MYT1L: variants seen among roughly 807,000 people sequenced by gnomAD.
MYT1L encodes the protein myelin transcription factor 1-like protein.
Under a neutral mutation model 126.7 loss-of-function variants are expected in MYT1L, and 12 were observed. The observed-to-expected ratio is 0.09, with a 90% CI of 0.06 to 0.15. MYT1L has a LOEUF of 0.15. MYT1L is among the 10% of genes least tolerant of loss of function. The probability of loss-of-function intolerance (pLI) is 1.00; values close to 1 mark genes in which losing one functional copy is unlikely to be tolerated. For missense variants in MYT1L, 979 were observed against 1,585.2 expected, an observed-to-expected ratio of 0.62 and a Z score of 6.49; for synonymous variants, 541 against 604.2, an observed-to-expected ratio of 0.90 and a Z score of 1.53.
intron 3 of MYT1L, among the ~76,000 whole-genome samples, chr2:2,071,805 T>C (rs1474536706): frequency 1.8e-4 from 28 of 151,996 alleles, no homozygotes; most frequent in Non-Finnish European, 8.8e-5. Flanking sequence ...GCAAACTAAT[T>C]AGGAGGCTAC....
chr2:2,113,696 C>CA (rs755304288), intron 3 of MYT1L, among the ~76,000 whole-genome samples: 21 of 152,138 alleles, frequency 1.4e-4, no homozygotes, highest in Non-Finnish European at 2.6e-4. Context: ...ATTTAACCTT[C>CA]AAAAAGTTAT....
At chr2:1,794,064 G>A (rs983664217) in intron 23 of MYT1L, among the ~76,000 whole-genome samples, 1 of 152,198 alleles carries the variant, frequency 6.6e-6, no homozygotes, top group African/African-American at 2.4e-5. Flanking sequence ...AGAATGAGGC[G>A]TCATGGCCCA....
intron 21 of MYT1L, among the ~76,000 whole-genome samples, chr2:1,813,803 G>A (rs1456655341): frequency 3.4e-5 from 5 of 147,300 alleles, no homozygotes; most frequent in Middle Eastern, 6.9e-3. Flanking sequence ...CGAGGCGGGC[G>A]GATCACGCGG....
At chr2:1,823,752 G>A (rs1404270249) in intron 21 of MYT1L, among the ~76,000 whole-genome samples, 2 of 152,236 alleles carry the variant, frequency 1.3e-5, no homozygotes, top group African/African-American at 4.8e-5. Context: ...ATGAGGCTGG[G>A]TCCCTGTAGG....
Position 1,840,580 on chromosome 2 carries a change from A to G in MYT1L, c.2858+180T>C, listed in dbSNP as rs1167550122. ...GACAGCCCATGTAACTTTTCAGCCA[A>G]TCAGCAGATGTGCTTTGGTTTGGGT... On this transcript the variant is annotated intron_variant, in intron 20 of 24. Transcript: ENST00000647738. Among the ~76,000 whole-genome samples the G allele has an allele frequency of 2.0e-5, 3 of 152,276 alleles. No individual in the cohort carries two copies. In the East Asian group the frequency reaches 5.8e-4, roughly 29 times the overall value.
intron 15 of MYT1L, 111 bp downstream of exon 15, chr2:1,891,926 C>T (rs925913785): frequency 2.1e-6 from 3 of 1,426,606 alleles, no homozygotes; most frequent in Admixed American, 2.9e-5. Flanking sequence ...TAGGAGATCA[C>T]GGCGTTTGCC....
intron 22 of MYT1L, among the ~76,000 whole-genome samples, chr2:1,808,470 TAG>T (rs2036074318): frequency 6.6e-6 from 1 of 151,746 alleles, no homozygotes; most frequent in Non-Finnish European, 1.5e-5. Context: ...ACCTCGCAAA[TAG>T]AGTCCCCAGA....
At chr2:1,824,971 G>A (rs1370023465) in intron 21 of MYT1L, 1 of 152,430 alleles carries the variant, frequency 6.6e-6, no homozygotes, top group Non-Finnish European at 1.5e-5. Flanking sequence ...TCCCCATCAG[G>A]TAGCGGTGGA....
At chr2:2,184,083 G>A (rs897714642) in intron 2 of MYT1L, among the ~76,000 whole-genome samples, 31 of 150,234 alleles carry the variant, frequency 2.1e-4, no homozygotes, top group African/African-American at 7.6e-4. Flanking sequence ...GAAACAGAGA[G>A]AGGGAGGGAG....
At chr2:1,846,221 C>T (rs940400544) in intron 19 of MYT1L, among the ~76,000 whole-genome samples, 2 of 152,180 alleles carry the variant, frequency 1.3e-5, no homozygotes, top group African/African-American at 4.8e-5. Context: ...TTATGTCTTT[C>T]CTCATAATTA....
chr2:1,816,320 G>A (rs530308912), intron 21 of MYT1L: 2 of 152,802 alleles, frequency 1.3e-5, no homozygotes, highest in Admixed American at 1.3e-4. Context: ...AGAAGCACTT[G>A]GGGAAACCGG....
At chr2:2,275,711 T>G in intron 2 of MYT1L, among the ~76,000 whole-genome samples, 1 of 152,212 alleles carries the variant, frequency 6.6e-6, no homozygotes, top group Middle Eastern at 3.2e-3. Context: ...ACTTTCCACA[T>G]ATACACTGAG....
intron 2 of MYT1L, among the ~76,000 whole-genome samples, chr2:2,198,627 G>A (rs540194058): frequency 3.6e-4 from 54 of 152,018 alleles, no homozygotes; most frequent in African/African-American, 1.0e-3. Flanking sequence ...GGGAGGCCTA[G>A]GCGAGTGGAT....
At chr2:1,891,657 C>T (rs2048895684) in intron 15 of MYT1L, among the ~76,000 whole-genome samples, 1 of 152,182 alleles carries the variant, frequency 6.6e-6, no homozygotes, top group African/African-American at 2.4e-5. Flanking sequence ...GCTAGCAGAA[C>T]TTCCTGTCAA....
At chr2:1,823,563 G>C (rs2038869628) in intron 21 of MYT1L, among the ~76,000 whole-genome samples, 1 of 152,164 alleles carries the variant, frequency 6.6e-6, no homozygotes, top group African/African-American at 2.4e-5. Flanking sequence ...AGGCTCCTGG[G>C]AGAAGCAGTG....
chr2:2,129,035 C>T (rs535220991), intron 3 of MYT1L, among the ~76,000 whole-genome samples: 2 of 152,266 alleles, frequency 1.3e-5, no homozygotes, highest in African/African-American at 4.8e-5. Context: ...AAAAAACATA[C>T]CAAAATTAAT....
intron 9 of MYT1L, among the ~76,000 whole-genome samples, chr2:1,940,239 C>T (rs967593713): frequency 6.6e-6 from 1 of 151,114 alleles, no homozygotes; most frequent in Non-Finnish European, 1.5e-5. Flanking sequence ...AAACTGGGTG[C>T]ACCTGTCTCA....
At chr2:1,843,634 T>C (rs751850589) in intron 19 of MYT1L, among the ~76,000 whole-genome samples, 6 of 151,966 alleles carry the variant, frequency 3.9e-5, no homozygotes, top group Non-Finnish European at 7.4e-5. Flanking sequence ...TACGGTATCC[T>C]ACCCAGGGAG....
At position 1,791,630 on chromosome 2, in the gene MYT1L, T is replaced by C; in HGVS notation, c.*237A>G. The C allele has an allele frequency of 4.1e-6, 2 of 490,526 alleles. No homozygotes were observed. Among genetic ancestry groups the C allele is most frequent in the Non-Finnish European group, 7.1e-6 (2 of 280,028 alleles). The allele number at this position is 490,526 out of a possible 1,614,324, so 30.4% of individuals were successfully genotyped here. A position where few individuals can be genotyped will look rare whatever the true frequency, so the allele number is the denominator to read the frequency against. On this transcript the variant is annotated 3_prime_UTR_variant, in exon 25 of 25. Transcript: ENST00000647738. The surrounding 1 kb of genome is among the most constrained non-coding windows in gnomAD (Gnocchi z 6.0). The stretch of plus-strand genomic sequence containing the variant: ...TGCATACATCAGCAGCTATAAACAT[T>C]ACATGGCAGAACACTATGTCAGCTT...
Sources: gnomAD v4.1 joint callset for allele counts (sites outside exome capture counted in the v4.1 genomes callset) on GRCh38, gnomAD v4.1.1 for gene constraint, Gnocchi (gnomAD v3.1) non-coding constraint, MANE v1.5 for transcripts, NCBI Gene and HGNC (gene_info 2026-07-23, HGNC 2026-07-21) for gene names.